The following LIMA1 variants were observed in gnomAD, a reference collection of about 807,000 sequenced individuals.
The protein encoded by LIMA1 is LIM domain and actin-binding protein 1.
Under a neutral mutation model 62.6 loss-of-function variants are expected in LIMA1, and 52 were observed. The ratio of observed to expected loss-of-function variants is 0.83; its 90% CI spans 0.67 to 1.05. LIMA1 has a LOEUF of 1.05. Ranked by LOEUF, LIMA1 falls within the 50% of genes least tolerant of loss-of-function variation. The probability of loss-of-function intolerance (pLI) is 0.00; values close to 1 mark genes in which losing one functional copy is unlikely to be tolerated. For synonymous variants in LIMA1, 302 were observed against 317.8 expected, an observed-to-expected ratio of 0.95 and a Z score of 0.53; for missense variants, 780 against 902.2, an observed-to-expected ratio of 0.86 and a Z score of 1.74.
intron 1 of LIMA1, among the ~76,000 whole-genome samples, chr12:50,275,870 C>T (rs942892444): frequency 2.6e-4 from 40 of 152,028 alleles, no homozygotes; most frequent in African/African-American, 7.5e-4. Context: ...TGTCAGAAAG[C>T]TAGACTGAAT....
intron 6 of LIMA1, chr12:50,201,510 T>C (rs1486298109): frequency 5.1e-6 from 5 of 984,376 alleles, no homozygotes; most frequent in Non-Finnish European, 6.0e-6. Flanking sequence ...AGAACATGCA[T>C]TTTATTGTCA....
chr12:50,204,036 T>C (rs569281764), intron 6 of LIMA1, among the ~76,000 whole-genome samples: 80 of 152,336 alleles, frequency 5.3e-4, no homozygotes, highest in African/African-American at 1.9e-3. Context: ...ATATGCTAAG[T>C]ATCACAAGAT....
chr12:50,224,312 G>C (rs1941494592), intron 3 of LIMA1: 1 of 152,162 alleles, frequency 6.6e-6, no homozygotes. Flanking sequence ...TAGAAATAAG[G>C]CTTGAAAAGA....
intron 4 of LIMA1, among the ~76,000 whole-genome samples, chr12:50,208,963 G>A (rs1468341994): frequency 6.7e-6 from 1 of 148,632 alleles, no homozygotes; most frequent in Non-Finnish European, 1.5e-5. Context: ...AATTTATATT[G>A]TTGATTTAAG....
intron 1 of LIMA1, among the ~76,000 whole-genome samples, chr12:50,273,449 A>G (rs1335876674): frequency 6.6e-6 from 1 of 152,158 alleles, no homozygotes; most frequent in East Asian, 1.9e-4. Flanking sequence ...GTATTGATTC[A>G]CACAGGATGC....
At chr12:50,189,490 A>T (rs1324089041) in intron 9 of LIMA1, 4 of 152,200 alleles carry the variant, frequency 2.6e-5, no homozygotes, top group Non-Finnish European at 5.9e-5. Flanking sequence ...TTTGAAACAC[A>T]ACCCTGCTAC....
At position 50,177,240 on chromosome 12, in the gene LIMA1, G is replaced by T. The variant is rs1325970932; in HGVS notation, c.2104C>A (p.Pro702Thr). The change falls in exon 11 of 11, where the codon CCC becomes ACC. Residue 702 changes from proline to threonine, a missense_variant. Transcript: ENST00000341247. The part of the protein sequence containing the change: ...SFLKQQSPQE[P>T]KSLNWSSFVD... Reference sequence around the variant, plus strand: ...AAACTCGACCAATTCAGAGACTTGGGTTCTTGTGGAGATTGTTGTTTGAGG... The same window carrying T: ...AAACTCGACCAATTCAGAGACTTGGTTTCTTGTGGAGATTGTTGTTTGAGG... The T allele has an allele frequency of 3.1e-6, 5 of 1,614,072 alleles. No individual in the cohort carries two copies. Among genetic ancestry groups the T allele is most frequent in the Non-Finnish European group, 1.7e-6 (2 of 1,179,988 alleles).
chr12:50,219,527 T>G (rs1400768288), intron 4 of LIMA1: 2 of 152,116 alleles, frequency 1.3e-5, no homozygotes, highest in Non-Finnish European at 2.9e-5. Flanking sequence ...TAGACTGTTT[T>G]CAGTATGGAC....
In LIMA1 at chr12:50,180,274, T is replaced by C. The variant is rs1378219112; in HGVS notation, c.1274+1630A>G. ...GACATCATCCCACTGCACTCCAGCC[T>C]GGGCGACAGAGCAAGACTCCATCTC... On this transcript the variant is annotated intron_variant, in intron 10 of 10. Coordinates refer to ENST00000341247, the MANE Select transcript of LIMA1 (RefSeq NM_016357.5). 2.7e-5 allele frequency among the ~76,000 whole-genome samples: 4 copies of C among 147,512 alleles called. No individual in the cohort carries two copies. The South Asian group carries it at 8.5e-4, about 31-fold the overall frequency.
chr12:50,257,386 T>C (rs937555318), intron 1 of LIMA1, among the ~76,000 whole-genome samples: 12 of 152,276 alleles, frequency 7.9e-5, no homozygotes, highest in Admixed American at 7.2e-4. Flanking sequence ...AGTATACCAC[T>C]GGAGGCTATA....
chr12:50,191,272 TC>T (rs1940763077), intron 9 of LIMA1: 1 of 149,010 alleles, frequency 6.7e-6, no homozygotes, highest in Non-Finnish European at 1.5e-5. Context: ...TATAATCCCA[TC>T]CCAGCACTTT....
intron 7 of LIMA1, among the ~76,000 whole-genome samples, chr12:50,197,369 A>G (rs1480346416): frequency 1.3e-5 from 2 of 150,806 alleles, no homozygotes; most frequent in African/African-American, 4.9e-5. Context: ...CTCGCCAGGC[A>G]CATGTCCTTT....
chr12:50,263,901 ATG>A (rs1184338535), intron 1 of LIMA1, among the ~76,000 whole-genome samples: 13 of 81,380 alleles, frequency 1.6e-4, no homozygotes, highest in East Asian at 1.1e-3. Context: ...TATATAAAGT[ATG>A]TATATATATA....
chr12:50,195,804 C>T (rs1423217910), intron 8 of LIMA1, 26 bp downstream of exon 8: 15 of 1,589,414 alleles, frequency 9.4e-6, no homozygotes, highest in Non-Finnish European at 1.3e-5. Context: ...GAACCTCATC[C>T]TCCAGATCTA....
At chr12:50,191,246 C>T (rs1321102177) in intron 9 of LIMA1, 1 of 151,598 alleles carries the variant, frequency 6.6e-6, no homozygotes, top group Non-Finnish European at 1.5e-5. Context: ...CCTGGCTGGG[C>T]ACAGTGGCTC....
intron 1 of LIMA1, among the ~76,000 whole-genome samples, chr12:50,271,054 T>C (rs1363720081): frequency 2.6e-5 from 4 of 152,330 alleles, no homozygotes; most frequent in African/African-American, 7.2e-5. Flanking sequence ...ATCGTGCCAC[T>C]GCACTCCAGC....
At chr12:50,197,726 T>C (rs1297639762) in intron 7 of LIMA1, among the ~76,000 whole-genome samples, 1 of 152,022 alleles carries the variant, frequency 6.6e-6, no homozygotes, top group Non-Finnish European at 1.5e-5. Context: ...ATTTCCCAAA[T>C]GACTGTTTCC....
At chr12:50,227,536 T>C (rs2138575342) in intron 3 of LIMA1, among the ~76,000 whole-genome samples, 1 of 152,250 alleles carries the variant, frequency 6.6e-6, no homozygotes, top group South Asian at 2.1e-4. Flanking sequence ...CCCGAAGTCT[T>C]CCCTTTACTC....
At chr12:50,258,383 ACCT>A (rs1034075992) in intron 1 of LIMA1, among the ~76,000 whole-genome samples, 2 of 151,526 alleles carry the variant, frequency 1.3e-5, no homozygotes, top group African/African-American at 4.9e-5. Context: ...ACTGCAGCCT[ACCT>A]CCTGAGCACA....
Sources: allele counts gnomAD v4.1 joint callset (sites outside exome capture counted in the v4.1 genomes callset), GRCh38; gene constraint gnomAD v4.1.1; transcripts MANE v1.5; gene names NCBI Gene and HGNC (gene_info 2026-07-23, HGNC 2026-07-21).